NRXN3: variants seen among roughly 807,000 people sequenced by gnomAD.
NRXN3 encodes neurexin 3.
A neutral mutation model predicts 137.6 loss-of-function variants in NRXN3; 32 were observed. That is an observed-to-expected ratio of 0.23 (90% CI 0.18 to 0.31). The LOEUF (loss-of-function observed/expected upper bound fraction) is 0.31, where lower values mean the gene tolerates loss of function less well. Ranked by LOEUF, NRXN3 falls within the 10% of genes least tolerant of loss-of-function variation. The pLI is 1.00. For synonymous variants in NRXN3, 798 were observed against 784.5 expected, an observed-to-expected ratio of 1.02 and a Z score of -0.29; for missense variants, 1,574 against 2,062.5, an observed-to-expected ratio of 0.76 and a Z score of 4.59.
At chr14:79,729,921 A>G (rs1359633392) in intron 19 of NRXN3, among the ~76,000 whole-genome samples, 1 of 152,132 alleles carries the variant, frequency 6.6e-6, no homozygotes, top group African/African-American at 2.4e-5. Context: ...CAAGCAAAAC[A>G]ATGGTATGAT....
intron 14 of NRXN3, among the ~76,000 whole-genome samples, chr14:78,986,508 C>A: frequency 6.6e-6 from 1 of 151,906 alleles, no homozygotes; most frequent in African/African-American, 2.4e-5. Flanking sequence ...TTTAATGCCC[C>A]CACATGTCAG....
intron 4 of NRXN3, among the ~76,000 whole-genome samples, chr14:78,609,098 G>T (rs2097277485): frequency 2.0e-5 from 3 of 152,128 alleles, no homozygotes; most frequent in Admixed American, 2.0e-4. Flanking sequence ...AATAAGATCA[G>T]AAAGACTTTG....
chr14:78,953,463 C>T (rs2099390811), intron 10 of NRXN3, among the ~76,000 whole-genome samples: 2 of 152,172 alleles, frequency 1.3e-5, no homozygotes, highest in South Asian at 4.1e-4. Context: ...TGAAGCAAAG[C>T]CTTACCTCAA....
intron 15 of NRXN3, among the ~76,000 whole-genome samples, chr14:79,050,181 G>C (rs1995411): frequency 0.43 from 65,221 of 152,000 alleles, 15,336 homozygotes; most frequent in African/African-American, 0.61. Context: ...CTGTTTCTGT[G>C]TTGTCCTGAG....
chr14:79,191,779 TGC>T (rs765954447), intron 15 of NRXN3, among the ~76,000 whole-genome samples: 43,044 of 151,782 alleles, frequency 0.28, 6,634 homozygotes, highest in Non-Finnish European at 0.36. Context: ...TGGATTTAAC[TGC>T]TGATTTGTTC....
intron 16 of NRXN3, among the ~76,000 whole-genome samples, chr14:79,601,287 T>C (rs188227964): frequency 7.9e-5 from 12 of 152,174 alleles, no homozygotes; most frequent in Admixed American, 7.2e-4. Context: ...GTGATCTGCC[T>C]ACCTAGGCTT....
chr14:79,666,941 G>GTGAT (rs1297262566), intron 17 of NRXN3, among the ~76,000 whole-genome samples: 1 of 152,086 alleles, frequency 6.6e-6, no homozygotes, highest in Non-Finnish European at 1.5e-5. Context: ...AAGTTGTTGT[G>GTGAT]TGATATACTA....
intron 15 of NRXN3, among the ~76,000 whole-genome samples, chr14:79,005,783 T>TG (rs2099551262): frequency 6.6e-6 from 1 of 152,152 alleles, no homozygotes; most frequent in African/African-American, 2.4e-5. Context: ...GTGTGACTTT[T>TG]TTTTTCTAAT....
chr14:79,786,162 G>A (rs1158710209), intron 19 of NRXN3, among the ~76,000 whole-genome samples: 1 of 152,104 alleles, frequency 6.6e-6, no homozygotes, highest in East Asian at 1.9e-4. Context: ...TATAACCAAT[G>A]TGACAGCCAC....
chr14:78,605,917 T>A (rs2097248183), intron 4 of NRXN3, among the ~76,000 whole-genome samples: 1 of 152,184 alleles, frequency 6.6e-6, no homozygotes, highest in African/African-American at 2.4e-5. Context: ...TATGGTGTCT[T>A]CATGTGATTA....
At chr14:78,718,960 C>T (rs2098446940) in intron 8 of NRXN3, among the ~76,000 whole-genome samples, 5 of 152,322 alleles carry the variant, frequency 3.3e-5, no homozygotes, top group Admixed American at 2.0e-4. Flanking sequence ...TGGTCTTTAG[C>T]CTGCTCTGGA....
At chr14:78,893,323 C>T (rs1328794723) in intron 10 of NRXN3, among the ~76,000 whole-genome samples, 1 of 152,000 alleles carries the variant, frequency 6.6e-6, no homozygotes, top group Non-Finnish European at 1.5e-5. Context: ...TTTTCTCTTT[C>T]ATTGCTCTGA....
intron 10 of NRXN3, among the ~76,000 whole-genome samples, chr14:78,832,175 G>A (rs180840385): frequency 8.0e-4 from 122 of 151,932 alleles, no homozygotes; most frequent in African/African-American, 2.8e-3. Flanking sequence ...TTTGTCTCTT[G>A]AATCAAAAAT....
At chr14:78,625,446 T>A (rs758351512) in intron 4 of NRXN3, among the ~76,000 whole-genome samples, 6 of 152,210 alleles carry the variant, frequency 3.9e-5, no homozygotes, top group African/African-American at 7.2e-5. Flanking sequence ...TGTTGGTTTT[T>A]TAATTTAGCT....
At chr14:78,968,973 T>C (rs1242345792) in intron 14 of NRXN3, among the ~76,000 whole-genome samples, 1 of 152,204 alleles carries the variant, frequency 6.6e-6, no homozygotes, top group African/African-American at 2.4e-5. Flanking sequence ...GTAGCTCTTG[T>C]TAGCTATGTG....
At chr14:78,221,286 A>G (rs2063823660) in intron 1 of NRXN3, among the ~76,000 whole-genome samples, 1 of 152,156 alleles carries the variant, frequency 6.6e-6, no homozygotes. Flanking sequence ...AGGAAGAGAC[A>G]GGAGATAGAA....
intron 15 of NRXN3, among the ~76,000 whole-genome samples, chr14:79,208,518 C>A (rs1568609940): frequency 6.6e-6 from 1 of 152,182 alleles, no homozygotes; most frequent in Non-Finnish European, 1.5e-5. Context: ...CTCTGAACAT[C>A]TTCCTGAATC....
At chr14:79,552,223 T>C (rs2097379985) in intron 16 of NRXN3, among the ~76,000 whole-genome samples, 1 of 152,210 alleles carries the variant, frequency 6.6e-6, no homozygotes, top group Non-Finnish European at 1.5e-5. Flanking sequence ...GTACCTGCTA[T>C]GTTCCAGGCA....
intron 17 of NRXN3, among the ~76,000 whole-genome samples, chr14:79,679,422 A>T (rs2098658024): frequency 6.6e-6 from 1 of 152,196 alleles, no homozygotes; most frequent in African/African-American, 2.4e-5. Flanking sequence ...AGGAAGAGGC[A>T]TTGTTATTTT....
Sources: gnomAD v4.1 joint callset for allele counts (sites outside exome capture counted in the v4.1 genomes callset) on GRCh38, gnomAD v4.1.1 for gene constraint, MANE v1.5 for transcripts, NCBI Gene and HGNC (gene_info 2026-07-23, HGNC 2026-07-21) for gene names.